CNTNAP3: variants seen among roughly 807,000 people sequenced by gnomAD.
CNTNAP3 encodes the protein contactin associated protein family member 3.
Under a neutral mutation model 92.1 loss-of-function variants are expected in CNTNAP3, and 36 were observed. That is an observed-to-expected ratio of 0.39 (90% CI 0.30 to 0.52). The LOEUF (loss-of-function observed/expected upper bound fraction) is 0.52, where lower values mean the gene tolerates loss of function less well. CNTNAP3 is among the 20% of genes least tolerant of loss of function. The probability of loss-of-function intolerance (pLI) is 0.76; values close to 1 mark genes in which losing one functional copy is unlikely to be tolerated. For missense variants in CNTNAP3, 534 were observed against 1,069.6 expected (o/e 0.50, Z 6.98); for synonymous variants, 232 against 422.3 (o/e 0.55, Z 5.53).
chr9:39,131,443 T>C (rs1587723550), intron 13 of CNTNAP3, among the ~76,000 whole-genome samples: 3 of 152,100 alleles, frequency 2.0e-5, no homozygotes, highest in South Asian at 4.2e-4. Flanking sequence ...CTAGACCAAA[T>C]TGGCTGGCAG....
chr9:39,083,634 G>T (rs1253209912), intron 21 of CNTNAP3, among the ~76,000 whole-genome samples: 3 of 152,200 alleles, frequency 2.0e-5, no homozygotes, highest in Non-Finnish European at 4.4e-5. Context: ...ACTCCAGCCT[G>T]GGCGACAGAG....
chr9:39,083,281 T>C (rs531381658), intron 21 of CNTNAP3, among the ~76,000 whole-genome samples: 3 of 150,850 alleles, frequency 2.0e-5, no homozygotes, highest in African/African-American at 7.3e-5. Context: ...TACAGGCTAA[T>C]TTTTTTTTAC....
chr9:39,091,373 A>G (rs1179611174), intron 18 of CNTNAP3, among the ~76,000 whole-genome samples: 13 of 152,192 alleles, frequency 8.5e-5, no homozygotes, highest in East Asian at 1.9e-4. Context: ...TATCGTCTAT[A>G]ATTAGTTTAC....
chr9:39,115,812 C>T (rs1263919223), intron 14 of CNTNAP3, among the ~76,000 whole-genome samples: 1 of 151,990 alleles, frequency 6.6e-6, no homozygotes, highest in Non-Finnish European at 1.5e-5. Context: ...CCATTCCCCT[C>T]CTCAAACTCA....
intron 9 of CNTNAP3, among the ~76,000 whole-genome samples, chr9:39,162,002 CTAAT>C (rs1303117969): frequency 1.6e-5 from 2 of 121,546 alleles, no homozygotes; most frequent in African/African-American, 9.9e-5. Flanking sequence ...CAAATGGGAC[CTAAT>C]TAAACTAAAG....
intron 13 of CNTNAP3, among the ~76,000 whole-genome samples, chr9:39,128,740 ACT>A (rs1821206886): frequency 1.3e-5 from 2 of 151,794 alleles, no homozygotes; most frequent in Admixed American, 1.3e-4. Context: ...AATAAAGCTG[ACT>A]CTACTTGCAG....
intron 12 of CNTNAP3, among the ~76,000 whole-genome samples, chr9:39,134,108 C>T (rs1345075859): frequency 6.6e-6 from 1 of 152,114 alleles, no homozygotes; most frequent in East Asian, 1.9e-4. Flanking sequence ...GTGCGTAAGA[C>T]AAATTTCACA....
Position 39,066,934 on chromosome 9 carries a change from TA to T in CNTNAP3, c.*6955del, listed in dbSNP as rs1428703909. Among the ~76,000 whole-genome samples, 5 of 152,212 alleles carry T rather than the reference TA, an allele frequency of 3.3e-5. No homozygotes were observed. Among genetic ancestry groups the T allele is most frequent in the South Asian group, 4.1e-4 (2 of 4,836 alleles). On this transcript the variant is annotated 3_prime_UTR_variant, in exon 24 of 24. Transcript: ENST00000297668. ...ATGCTTATGTATTAATTTTTAAAAA[TA>T]TTTTTTTCTATCCATCCACTCTCTT...
chr9:39,168,525 A>G (rs1822215428), intron 8 of CNTNAP3, among the ~76,000 whole-genome samples: 1 of 67,656 alleles, frequency 1.5e-5, no homozygotes, highest in South Asian at 6.4e-4. Context: ...TTCTCTCATA[A>G]ACTAATGAGT....
In CNTNAP3 at chr9:39,102,805, G is replaced by T; in HGVS notation, c.2537-90C>A. 4 of 1,180,864 alleles carry T rather than the reference G, an allele frequency of 3.4e-6. No homozygotes were observed. The South Asian group carries it at 5.4e-5, about 16-fold the overall frequency. 73.1% of individuals were successfully genotyped at this position (1,180,864 alleles called of 1,614,324 possible). ...CAGGAAAACATGAAGGCACGCTCAG[G>T]ATGGAAGGAGATAATGACGGCGATG... On this transcript the variant is annotated intron_variant, in intron 16 of 23. Transcript: ENST00000297668.
chr9:39,088,108 A>C (rs1203160031), intron 19 of CNTNAP3, among the ~76,000 whole-genome samples: 1 of 152,126 alleles, frequency 6.6e-6, no homozygotes, highest in African/African-American at 2.4e-5. Context: ...TAGATATCTT[A>C]TTTCAAAATG....
chr9:39,122,760 A>G (rs1329624527), intron 13 of CNTNAP3, among the ~76,000 whole-genome samples: 1 of 152,234 alleles, frequency 6.6e-6, no homozygotes, highest in East Asian at 1.9e-4. Context: ...TCAAGCAAAC[A>G]TGCAGATATG....
chr9:39,115,202 C>T lies in CNTNAP3; in HGVS notation c.2237+2901G>A, dbSNP rs1423134305. Among the ~76,000 whole-genome samples the T allele has an allele frequency of 7.3e-5, 11 of 151,020 alleles. No individual in the cohort carries two copies. In the East Asian group the frequency reaches 1.7e-3, roughly 24 times the overall value. ...TTAACAATACTGCCTGCCCCATTAA[C>T]GGACATATGCCTGAAGAGACTTAAA... On this transcript the variant is annotated intron_variant, in intron 14 of 23. Transcript: ENST00000297668.
At chr9:39,084,324 C>T (rs1826019930) in intron 21 of CNTNAP3, among the ~76,000 whole-genome samples, 1 of 151,392 alleles carries the variant, frequency 6.6e-6, no homozygotes, top group Non-Finnish European at 1.5e-5. Context: ...TCCCGAGTAG[C>T]TGGGACTACA....
intron 12 of CNTNAP3, among the ~76,000 whole-genome samples, chr9:39,137,236 T>C (rs568120609): frequency 9.2e-5 from 14 of 151,948 alleles, no homozygotes; most frequent in Non-Finnish European, 1.6e-4. Context: ...AAGTTTCTAT[T>C]GAGGTATCTC....
intron 23 of CNTNAP3, among the ~76,000 whole-genome samples, chr9:39,075,489 C>G (rs1825737107): frequency 6.6e-6 from 1 of 152,144 alleles, no homozygotes; most frequent in Non-Finnish European, 1.5e-5. Flanking sequence ...CCCAAATATG[C>G]CTTTTTGACA....
Position 39,070,827 on chromosome 9 carries a change from A to G in CNTNAP3, c.*3063T>C, listed in dbSNP as rs1398890432. Among the ~76,000 whole-genome samples the G allele has an allele frequency of 6.6e-5, 10 of 152,394 alleles. No individual in the cohort carries two copies. Among genetic ancestry groups the G allele is most frequent in the African/African-American group, 2.4e-4 (10 of 41,608 alleles). On this transcript the variant is annotated 3_prime_UTR_variant, in exon 24 of 24. Coordinates refer to ENST00000297668, the MANE Select transcript of CNTNAP3 (RefSeq NM_033655.5). ...GTATGTACACAAAAATTAAAAAATA[A>G]AAAAGATTTCCCATCAAATATTCTT...
rs78591776 is a variant in CNTNAP3, at chr9:39,109,203, G to A, written c.2322C>T (p.Ser774=). The change falls in exon 15 of 24, where the codon TCC becomes TCT. Residue 774 remains serine (S), a synonymous_variant. Transcript: ENST00000297668. ...GTGGCCCCAGTGTATAAGCTGCTTC[G>A]GAATGTGGTCGGCCTGCGTCTGTCA... The part of the protein sequence containing the change: ...IVMTDAGRPH[S]EAAYTLGPLL... The A allele has an allele frequency of 2.9e-3, 4,756 of 1,612,966 alleles. 130 individuals are homozygous for A. The African/African-American group carries it at 0.053, about 18-fold the overall frequency.
At chr9:39,076,396 A>G (rs1825764854) in intron 23 of CNTNAP3, among the ~76,000 whole-genome samples, 3 of 152,428 alleles carry the variant, frequency 2.0e-5, no homozygotes, top group African/African-American at 7.2e-5. Context: ...ATTGAACACG[A>G]AAGTACACCT....
Sources: allele counts gnomAD v4.1 joint callset (sites outside exome capture counted in the v4.1 genomes callset), GRCh38; gene constraint gnomAD v4.1.1; transcripts MANE v1.5; gene names NCBI Gene and HGNC (gene_info 2026-07-23, HGNC 2026-07-21).